The following MUSK variants were observed in gnomAD, a reference collection of about 807,000 sequenced individuals.
The protein encoded by MUSK is muscle, skeletal receptor tyrosine-protein kinase.
MUSK carries 55 observed loss-of-function variants against 88.7 expected under a neutral mutation model. The ratio of observed to expected loss-of-function variants is 0.62; its 90% CI spans 0.50 to 0.78. The LOEUF (loss-of-function observed/expected upper bound fraction) is 0.78, where lower values mean the gene tolerates loss of function less well. Ranked by LOEUF, MUSK falls within the 30% of genes least tolerant of loss-of-function variation. The pLI, the probability that MUSK is intolerant of heterozygous loss-of-function variation, is 0.00. For synonymous variants in MUSK, 387 were observed against 391.9 expected, an observed-to-expected ratio of 0.99 and a Z score of 0.15; for missense variants, 1,015 against 1,074.3, an observed-to-expected ratio of 0.94 and a Z score of 0.77.
At chr9:110,739,340 G>A (rs1249891903) in intron 6 of MUSK, among the ~76,000 whole-genome samples, 2 of 152,146 alleles carry the variant, frequency 1.3e-5, no homozygotes, top group Non-Finnish European at 2.9e-5. Flanking sequence ...GCAACAATGT[G>A]TGACAGCATG....
At chr9:110,715,352 A>C (rs1375156112) in intron 5 of MUSK, among the ~76,000 whole-genome samples, 3 of 149,656 alleles carry the variant, frequency 2.0e-5, no homozygotes, top group Admixed American at 6.6e-5. Context: ...TGGATAAAAA[A>C]CCTGAAGTTC....
At chr9:110,706,069 CTT>C (rs1000294185) in intron 5 of MUSK, 2 of 524,246 alleles carry the variant, frequency 3.8e-6, no homozygotes, top group African/African-American at 3.9e-5. Context: ...TGAGATTTTT[CTT>C]ACAGGTGCTA....
chr9:110,801,248 G>A lies in MUSK; in HGVS notation c.*260G>A, dbSNP rs2132070267. 1 of 351,074 alleles carries A rather than the reference G, an allele frequency of 2.8e-6. No individual in the cohort carries two copies. Among genetic ancestry groups the A allele is most frequent in the East Asian group, 4.4e-5 (1 of 22,622 alleles). 21.7% of individuals were successfully genotyped at this position (351,074 alleles called of 1,614,324 possible). A position where few individuals can be genotyped will look rare whatever the true frequency, so the allele number is the denominator to read the frequency against. ...CAACTATTCTTCTTCATGAAGGTTT[G>A]TAATACACACTGCACAGGGAAGAAT... On this transcript the variant is annotated 3_prime_UTR_variant, in exon 15 of 15. Coordinates refer to ENST00000374448, the MANE Select transcript of MUSK (RefSeq NM_005592.4).
In MUSK at chr9:110,736,427, A is replaced by G. The variant is rs148544998; in HGVS notation, c.753+2052A>G. On this transcript the variant is annotated intron_variant, in intron 6 of 14. Coordinates refer to ENST00000374448, the MANE Select transcript of MUSK (RefSeq NM_005592.4). ...GGAGTTGAAGGGTGAAGTTACATAGATAACTGGGGGAACATAACTAGACAA... is the reference window on the plus strand; with the variant it reads ...GGAGTTGAAGGGTGAAGTTACATAGGTAACTGGGGGAACATAACTAGACAA... Among the ~76,000 whole-genome samples the G allele has an allele frequency of 2.9e-3, 449 of 152,226 alleles. 4 individuals carry two copies. The highest frequency in any genetic ancestry group is 9.5e-3 in the African/African-American group (396 of 41,546).
chr9:110,673,015 G>A (rs1353514235), intron 1 of MUSK, among the ~76,000 whole-genome samples: 2 of 152,182 alleles, frequency 1.3e-5, no homozygotes, highest in Admixed American at 6.5e-5. Flanking sequence ...AACGAGCTCT[G>A]GCTGAGATGA....
At chr9:110,722,750 A>C (rs984328929) in intron 5 of MUSK, among the ~76,000 whole-genome samples, 7 of 152,096 alleles carry the variant, frequency 4.6e-5, no homozygotes, top group African/African-American at 1.7e-4. Context: ...AGACAATCTC[A>C]AAAGAAGATA....
At chr9:110,704,639 T>C (rs2076572695) in intron 5 of MUSK, among the ~76,000 whole-genome samples, 1 of 152,170 alleles carries the variant, frequency 6.6e-6, no homozygotes, top group Non-Finnish European at 1.5e-5. Context: ...CTTATTATTA[T>C]ATATTAGAGT....
intron 3 of MUSK, among the ~76,000 whole-genome samples, chr9:110,689,743 T>TATATAA (rs1417062202): frequency 1.3e-5 from 1 of 74,140 alleles, no homozygotes; most frequent in African/African-American, 7.5e-5. Flanking sequence ...ATATATAATA[T>TATATAA]TATATATTAT....
At chr9:110,686,942 TATA>T (rs1369869675) in intron 2 of MUSK, among the ~76,000 whole-genome samples, 172 bp from the exon 3 acceptor site, 2 of 152,212 alleles carry the variant, frequency 1.3e-5, no homozygotes. Flanking sequence ...AAGATGAGAA[TATA>T]ATGTTAGCTT....
At chr9:110,689,491 TAAA>T (rs1363517061) in intron 3 of MUSK, among the ~76,000 whole-genome samples, 1 of 105,562 alleles carries the variant, frequency 9.5e-6, no homozygotes, top group South Asian at 2.7e-4. Flanking sequence ...TAAAAATATG[TAAA>T]AAATACATAT....
intron 5 of MUSK, among the ~76,000 whole-genome samples, chr9:110,702,178 A>G (rs890614115): frequency 3.3e-5 from 5 of 152,018 alleles, no homozygotes; most frequent in Admixed American, 2.6e-4. Context: ...GGCTAGTTGT[A>G]TAACTGATAA....
intron 5 of MUSK, among the ~76,000 whole-genome samples, chr9:110,716,934 T>C (rs1227558870): frequency 6.7e-6 from 1 of 149,972 alleles, no homozygotes; most frequent in Admixed American, 6.6e-5. Context: ...TTGATATTAA[T>C]ATCATTACCA....
intron 11 of MUSK, among the ~76,000 whole-genome samples, chr9:110,783,647 A>G (rs72758665): frequency 0.17 from 25,255 of 151,866 alleles, 2,422 homozygotes; most frequent in Non-Finnish European, 0.22. Context: ...TTTTAATTCT[A>G]TCATTTGTGT....
rs2077676012 is a variant in MUSK at position 110,776,646 on chromosome 9, A to G, written c.1375A>G (p.Asn459Asp). 6.3e-7 allele frequency: 1 copy of G among 1,599,194 alleles called. No homozygotes were observed. Among genetic ancestry groups the G allele is most frequent in the Non-Finnish European group, 8.6e-7 (1 of 1,168,970 alleles). ...RLPHLDYNKE[N>D]LKTFPPMTSS... is the part of the protein sequence containing the mutation. ...TTCCCCTTCAGATTATAACAAAGAA[A>G]ACCTAAAAAGTAAGTAATTGTGTTT... The change falls in exon 11 of 15, where the codon AAC becomes GAC. Residue 459 changes from asparagine (N) to aspartate (D), a missense_variant. Asn to Asp is a conservative substitution (Grantham distance 23). Transcript: ENST00000374448.
chr9:110,770,312 CAAT>C (rs1019871519), intron 9 of MUSK, among the ~76,000 whole-genome samples: 32 of 124,266 alleles, frequency 2.6e-4, no homozygotes, highest in Non-Finnish European at 4.0e-4. Context: ...ATTAACTTAA[CAAT>C]AATTATCAAT....
chr9:110,785,658 A>G lies in MUSK; in HGVS notation c.1718A>G (p.Asn573Ser). Residue 573 changes from asparagine to serine, a missense_variant, in exon 13 of 15, where the codon AAT (asparagine) becomes AGT (serine). Coordinates refer to ENST00000374448, the MANE Select transcript of MUSK (RefSeq NM_005592.4). Reference protein sequence around the residue: ...PKLLSLEYPRNNIEYVRDIGE... With the variant: ...PKLLSLEYPRSNIEYVRDIGE... Reference sequence around the variant, plus strand: ...TTGCTCAGCCTGGAGTATCCAAGGAATAACATTGAATATGTGAGAGACATC... The same window carrying G: ...TTGCTCAGCCTGGAGTATCCAAGGAGTAACATTGAATATGTGAGAGACATC... 2.5e-6 allele frequency: 4 copies of G among 1,613,104 alleles called. No homozygotes were observed. The highest frequency in any genetic ancestry group is 3.4e-6 in the Non-Finnish European group (4 of 1,179,358).
intron 6 of MUSK, among the ~76,000 whole-genome samples, chr9:110,745,974 T>G (rs538547550): frequency 6.6e-6 from 1 of 152,334 alleles, no homozygotes; most frequent in Non-Finnish European, 1.5e-5. Context: ...ACCTCAGAGC[T>G]TTCTTCTTCC....
At chr9:110,749,492 G>A (rs1326947396) in intron 7 of MUSK, among the ~76,000 whole-genome samples, 1 of 152,208 alleles carries the variant, frequency 6.6e-6, no homozygotes, top group Non-Finnish European at 1.5e-5. Flanking sequence ...GGAAACAAAA[G>A]TTGAAACATG....
chr9:110,683,096 C>G (rs1329687642), intron 2 of MUSK, among the ~76,000 whole-genome samples: 1 of 151,284 alleles, frequency 6.6e-6, no homozygotes, highest in African/African-American at 2.4e-5. Context: ...TTTTTTGCAC[C>G]CACTAAACAT....
Sources: allele counts gnomAD v4.1 joint callset (sites outside exome capture counted in the v4.1 genomes callset), GRCh38; gene constraint gnomAD v4.1.1; transcripts MANE v1.5; gene names NCBI Gene and HGNC (gene_info 2026-07-23, HGNC 2026-07-21).